Variants in NLRP5 observed in about 807,000 individuals in gnomAD.
The protein encoded by NLRP5 is NACHT, LRR and PYD domains-containing protein 5.
Under a neutral mutation model 113.1 loss-of-function variants are expected in NLRP5, and 93 were observed. The observed-to-expected ratio is 0.82, with a 90% CI of 0.70 to 0.98. NLRP5 has a LOEUF of 0.98. Among genes scored for constraint, NLRP5 ranks in the 50% least tolerant of loss-of-function variants. The probability of loss-of-function intolerance (pLI) is 0.00; values close to 1 mark genes in which losing one functional copy is unlikely to be tolerated. For synonymous variants in NLRP5, 751 were observed against 600.7 expected, an observed-to-expected ratio of 1.25 and a Z score of -3.66; for missense variants, 1,808 against 1,514.3, an observed-to-expected ratio of 1.19 and a Z score of -3.22.
At chr19:56,023,436 A>G (rs934162981) in intron 6 of NLRP5, among the ~76,000 whole-genome samples, 1 of 152,204 alleles carries the variant, frequency 6.6e-6, no homozygotes, top group Non-Finnish European at 1.5e-5. Context: ...TTCTGTGTCC[A>G]TGGATTCAAC....
intron 3 of NLRP5, among the ~76,000 whole-genome samples, chr19:56,013,346 C>T (rs368707201): frequency 7.9e-5 from 12 of 152,144 alleles, no homozygotes; most frequent in East Asian, 5.8e-4. Flanking sequence ...GTGCCTACCA[C>T]TACACCCAGC....
At chr19:56,024,584 TACACAC>T (rs369128981) in intron 6 of NLRP5, among the ~76,000 whole-genome samples, 22 of 147,240 alleles carry the variant, frequency 1.5e-4, no homozygotes, top group African/African-American at 4.0e-4. Flanking sequence ...TATATATACA[TACACAC>T]ACACACACAC....
chr19:56,013,565 C>G (rs535845716), intron 3 of NLRP5, among the ~76,000 whole-genome samples: 1 of 89,930 alleles, frequency 1.1e-5, no homozygotes, highest in African/African-American at 4.5e-5. Flanking sequence ...TATACCGCTT[C>G]TTGTTCATTT....
intron 1 of NLRP5, among the ~76,000 whole-genome samples, chr19:56,001,735 C>T (rs1369311705): frequency 6.6e-6 from 1 of 152,200 alleles, no homozygotes; most frequent in Non-Finnish European, 1.5e-5. Context: ...TACTGTGTAT[C>T]TGCAAGTTTA....
rs367931107 is a variant in NLRP5 at position 56,032,718 on chromosome 19, A to G, written c.2384A>G (p.Glu795Gly). ...GACCTGGGCAGCAGCATCCTGACAG[A>G]GCGGGCCATGAAGACCCTGTGTGCC... Residue 795 changes from glutamate to glycine, a missense_variant, in exon 8 of 15, where the codon GAG becomes GGG. Transcript: ENST00000390649. The G allele has an allele frequency of 9.9e-6, 16 of 1,613,348 alleles. No homozygotes were observed. In the African/African-American group the frequency reaches 2.0e-4, roughly 20 times the overall value.
At position 56,041,093 on chromosome 19, in the gene NLRP5, G is replaced by T; in HGVS notation, c.2957+1G>T. 1 of 1,613,702 alleles carries T rather than the reference G, an allele frequency of 6.2e-7. No homozygotes were observed. The highest frequency in any genetic ancestry group is 8.5e-7 in the Non-Finnish European group (1 of 1,179,700). The stretch of plus-strand genomic sequence containing the variant: ...CCCACTGTAGTCTGCAGAGGCTGAT[G>T]TGAGTCTGGCTTGCTCCCCTGCAAG... On this transcript the variant is annotated splice_donor_variant, in intron 11 of 14. Transcript: ENST00000390649. LOFTEE classifies it high-confidence loss of function.
At chr19:56,056,006 G>T (rs1175800863) in intron 13 of NLRP5, among the ~76,000 whole-genome samples, 1 of 152,148 alleles carries the variant, frequency 6.6e-6, no homozygotes, top group East Asian at 1.9e-4. Context: ...AGTTGCTGTT[G>T]TGTGCAGTCA....
In NLRP5 at chr19:56,022,448, T is replaced by C. The variant is rs1982651889; in HGVS notation, c.679+2017T>C. On this transcript the variant is annotated intron_variant, in intron 6 of 14. Coordinates refer to ENST00000390649, the MANE Select transcript of NLRP5 (RefSeq NM_153447.4). ...CTCGCTATGTTGCTCAGTCTGGTCT[T>C]GAACTCCTGGCCTCAAGTGATCTGC... Among the ~76,000 whole-genome samples the C allele has an allele frequency of 1.3e-5, 2 of 152,112 alleles. 1 individual carries two copies. The highest frequency in any genetic ancestry group is 4.1e-4 in the South Asian group (2 of 4,824).
chr19:56,037,946 G>T, intron 9 of NLRP5, 79 bp from the exon 10 acceptor site: 1 of 1,464,172 alleles, frequency 6.8e-7, no homozygotes, highest in Non-Finnish European at 9.4e-7. Flanking sequence ...GGCCAGCGCT[G>T]CTGGCGTGTG....
At chr19:56,028,985 G>A (rs1249833303) in intron 7 of NLRP5, among the ~76,000 whole-genome samples, 1 of 152,046 alleles carries the variant, frequency 6.6e-6, no homozygotes, top group Non-Finnish European at 1.5e-5. Context: ...GGCTGGTCTC[G>A]AACTCCTGAC....
At chr19:56,036,058 C>CTTTTTTTTTTTTTTTTTTTTTTTT (rs34956178) in intron 9 of NLRP5, among the ~76,000 whole-genome samples, 10 of 77,002 alleles carry the variant, frequency 1.3e-4, no homozygotes, top group African/African-American at 4.5e-4. Context: ...AATTGAGATT[C>CTTTTTTTTTTTTTTTTTTTTTTTT]TTTTTTTTTT....
chr19:55,993,285 G>C, the NLRP5 span, among the ~76,000 whole-genome samples: 51 of 150,662 alleles, frequency 3.4e-4, no homozygotes, highest in African/African-American at 1.2e-3. Flanking sequence ...ATAAGTTATA[G>C]TTCACCATAT....
At chr19:56,009,063 G>T (rs1982070070) in intron 3 of NLRP5, among the ~76,000 whole-genome samples, 1 of 152,012 alleles carries the variant, frequency 6.6e-6, no homozygotes, top group Non-Finnish European at 1.5e-5. Flanking sequence ...CTGGGGCCAG[G>T]TCTAGTGGCT....
At chr19:56,006,467 A>C (rs1344700001) in intron 2 of NLRP5, among the ~76,000 whole-genome samples, 2 of 152,076 alleles carry the variant, frequency 1.3e-5, no homozygotes, top group Non-Finnish European at 2.9e-5. Flanking sequence ...GGGTGTGGCT[A>C]ATGCCTGTAA....
intron 11 of NLRP5, among the ~76,000 whole-genome samples, chr19:56,048,459 G>C (rs1370896424): frequency 2.7e-5 from 4 of 150,550 alleles, no homozygotes; most frequent in Admixed American, 6.6e-5. Flanking sequence ...GAAAAAGACT[G>C]TATCTTTCCT....
chr19:56,031,070 G>A (rs565349407), intron 7 of NLRP5, among the ~76,000 whole-genome samples: 14 of 85,146 alleles, frequency 1.6e-4, no homozygotes, highest in Admixed American at 1.0e-3. Context: ...GTTCACAAAC[G>A]TGGGAAGGTA....
At chr19:56,022,525 A>G (rs1457882050) in intron 6 of NLRP5, among the ~76,000 whole-genome samples, 1 of 152,196 alleles carries the variant, frequency 6.6e-6, no homozygotes, top group Admixed American at 6.5e-5. Flanking sequence ...CACTACGCCC[A>G]GCCAATCCCT....
chr19:56,033,213 G>A (rs1983190381), intron 8 of NLRP5, among the ~76,000 whole-genome samples: 2 of 152,038 alleles, frequency 1.3e-5, no homozygotes, highest in South Asian at 2.1e-4. Context: ...ATCGCACCAC[G>A]GCATTCCAGC....
chr19:56,021,328 G>A (rs773006474), intron 6 of NLRP5, among the ~76,000 whole-genome samples: 1 of 152,112 alleles, frequency 6.6e-6, no homozygotes, highest in Non-Finnish European at 1.5e-5. Context: ...TTTTTGTTGA[G>A]ATATAATTAG....
Sources: gnomAD v4.1 joint callset for allele counts (sites outside exome capture counted in the v4.1 genomes callset) on GRCh38, gnomAD v4.1.1 for gene constraint, MANE v1.5 for transcripts, NCBI Gene and HGNC (gene_info 2026-07-23, HGNC 2026-07-21) for gene names.